The following MGAT4C variants were observed in gnomAD, a reference collection of about 807,000 sequenced individuals.
MGAT4C encodes the protein MGAT4 family member C.
MGAT4C carries 19 observed loss-of-function variants against 40.1 expected under a neutral mutation model. That is an observed-to-expected ratio of 0.47 (90% confidence interval 0.33 to 0.70). MGAT4C has a LOEUF of 0.70. Among genes scored for constraint, MGAT4C ranks in the 30% least tolerant of loss-of-function variants. The probability of loss-of-function intolerance (pLI) is 0.02; values close to 1 mark genes in which losing one functional copy is unlikely to be tolerated. For missense variants in MGAT4C, 491 were observed against 563.2 expected (o/e 0.87, Z 1.30); for synonymous variants, 181 against 187.1 (o/e 0.97, Z 0.27).
chr12:86,033,653 A>G (rs556255688), intron 2 of MGAT4C, among the ~76,000 whole-genome samples: 1 of 149,656 alleles, frequency 6.7e-6, no homozygotes, highest in Non-Finnish European at 1.5e-5. Flanking sequence ...AGTTTTGGGG[A>G]AGAGACTATG....
chr12:86,251,857 G>T (rs570304125), intron 1 of MGAT4C, among the ~76,000 whole-genome samples: 11 of 151,970 alleles, frequency 7.2e-5, no homozygotes, highest in African/African-American at 2.7e-4. Context: ...ACTGAGACCA[G>T]TATCAAACAC....
intron 2 of MGAT4C, among the ~76,000 whole-genome samples, chr12:86,623,214 A>G (rs545607857): frequency 6.6e-6 from 1 of 152,232 alleles, no homozygotes; most frequent in South Asian, 2.1e-4. Flanking sequence ...TAAAAACATG[A>G]ATATAAACAT....
At chr12:86,315,643 T>G (rs1041286138) in intron 4 of MGAT4C, among the ~76,000 whole-genome samples, 1 of 152,008 alleles carries the variant, frequency 6.6e-6, no homozygotes, top group Non-Finnish European at 1.5e-5. Flanking sequence ...GAGGCGGAGC[T>G]TGCAGTGAGC....
At chr12:86,702,310 G>T (rs1262553753) in intron 2 of MGAT4C, among the ~76,000 whole-genome samples, 1 of 151,698 alleles carries the variant, frequency 6.6e-6, no homozygotes, top group Non-Finnish European at 1.5e-5. Flanking sequence ...CTCCCAAAAT[G>T]CTGGGATTAT....
chr12:86,542,582 T>C (rs1429372425), intron 2 of MGAT4C, among the ~76,000 whole-genome samples: 2 of 152,220 alleles, frequency 1.3e-5, no homozygotes, highest in Non-Finnish European at 2.9e-5. Context: ...TCTTTTCCTC[T>C]CATAGTACCT....
At chr12:86,207,310 C>A (rs1288042250) in intron 1 of MGAT4C, among the ~76,000 whole-genome samples, 1 of 152,046 alleles carries the variant, frequency 6.6e-6, no homozygotes, top group Non-Finnish European at 1.5e-5. Flanking sequence ...TCCTGGGTTA[C>A]ATGTGCTGAA....
At chr12:86,228,672 A>T (rs1951195606) in intron 1 of MGAT4C, among the ~76,000 whole-genome samples, 1 of 151,532 alleles carries the variant, frequency 6.6e-6, no homozygotes, top group Non-Finnish European at 1.5e-5. Context: ...GAAAAAAAAA[A>T]TTTCTTATGC....
At chr12:86,070,722 C>T (rs186901744) in intron 1 of MGAT4C, among the ~76,000 whole-genome samples, 184 of 152,018 alleles carry the variant, frequency 1.2e-3, no homozygotes, top group African/African-American at 4.2e-3. Context: ...TCCCATAATA[C>T]AGGGATATAC....
At chr12:86,799,230 G>A (rs1952182989) in intron 1 of MGAT4C, among the ~76,000 whole-genome samples, 1 of 151,324 alleles carries the variant, frequency 6.6e-6, no homozygotes, top group South Asian at 2.1e-4. Flanking sequence ...TTTTCCAGTG[G>A]TTTCTGCTTG....
intron 2 of MGAT4C, among the ~76,000 whole-genome samples, chr12:86,020,467 C>G (rs1340115661): frequency 2.6e-5 from 4 of 152,136 alleles, no homozygotes; most frequent in Admixed American, 6.6e-5. Flanking sequence ...ACAAACCTGA[C>G]AAAAACAAGA....
intron 1 of MGAT4C, among the ~76,000 whole-genome samples, chr12:86,178,075 T>C (rs1270929787): frequency 6.6e-6 from 1 of 152,118 alleles, no homozygotes; most frequent in African/African-American, 2.4e-5. Context: ...TAGCTGGGAC[T>C]ACAGGTGCCC....
chr12:86,199,711 C>T lies in MGAT4C; in HGVS notation c.-57+56528G>A, dbSNP rs955534297. 1.1e-4 allele frequency among the ~76,000 whole-genome samples: 16 copies of T among 152,044 alleles called. No individual in the cohort carries two copies. In the South Asian group the frequency reaches 1.9e-3, roughly 18 times the overall value. Reference sequence around the variant, plus strand: ...TTATTAATACAATGAATGTAAAATGCTTAGTGAAGTACATAATGTAAATAT... The same window carrying T: ...TTATTAATACAATGAATGTAAAATGTTTAGTGAAGTACATAATGTAAATAT... On this transcript the variant is annotated intron_variant, in intron 1 of 4. Transcript: ENST00000611864.
chr12:86,206,731 G>C (rs1014929992), intron 1 of MGAT4C, among the ~76,000 whole-genome samples: 3 of 151,912 alleles, frequency 2.0e-5, no homozygotes, highest in Non-Finnish European at 4.4e-5. Context: ...CTTTATTGAA[G>C]ATATATTATG....
chr12:86,427,330 G>A (rs1053394654), intron 3 of MGAT4C, among the ~76,000 whole-genome samples: 18 of 152,104 alleles, frequency 1.2e-4, no homozygotes, highest in East Asian at 1.2e-3. Flanking sequence ...CACATTAATA[G>A]AGTTTAAAAT....
chr12:86,009,827 C>A lies in MGAT4C; in HGVS notation c.-6-20275G>T, dbSNP rs1038784034. Among the ~76,000 whole-genome samples the A allele has an allele frequency of 2.0e-5, 3 of 152,108 alleles. No individual in the cohort carries two copies. The South Asian group carries it at 6.2e-4, about 31-fold the overall frequency. On this transcript the variant is annotated intron_variant, in intron 2 of 4. Coordinates refer to ENST00000611864, the MANE Select transcript of MGAT4C (RefSeq NM_001351288.2). ...TATTGTCTTGCTTTCTATCTTACTG[C>A]TGAAAAATCTAATCCTACCTGGTTT...
intron 3 of MGAT4C, among the ~76,000 whole-genome samples, chr12:86,350,193 A>C (rs1384692261): frequency 6.6e-6 from 1 of 152,068 alleles, no homozygotes; most frequent in East Asian, 1.9e-4. Flanking sequence ...CCAGACTTTA[A>C]CATATTTCTC....
At chr12:86,295,402 G>C (rs745624744) in intron 4 of MGAT4C, among the ~76,000 whole-genome samples, 3 of 152,166 alleles carry the variant, frequency 2.0e-5, no homozygotes, top group Non-Finnish European at 4.4e-5. Context: ...TTAAGGCAGC[G>C]CGTCTGGAGT....
At chr12:86,509,070 T>A (rs1174515187) in intron 2 of MGAT4C, among the ~76,000 whole-genome samples, 1 of 152,046 alleles carries the variant, frequency 6.6e-6, no homozygotes. Context: ...TTTAATTAGA[T>A]CCCATTTGTC....
chr12:86,289,315 T>C (rs751013402), intron 4 of MGAT4C, among the ~76,000 whole-genome samples: 2 of 152,174 alleles, frequency 1.3e-5, no homozygotes, highest in Non-Finnish European at 2.9e-5. Context: ...TGTTGCCTTG[T>C]AGTATAGTTT....
Sources: allele counts gnomAD v4.1 joint callset (sites outside exome capture counted in the v4.1 genomes callset), GRCh38; gene constraint gnomAD v4.1.1; transcripts MANE v1.5; gene names NCBI Gene and HGNC (gene_info 2026-07-23, HGNC 2026-07-21).